The following GABRA4 variants were observed in gnomAD, a reference collection of about 807,000 sequenced individuals.
GABRA4 encodes gamma-aminobutyric acid receptor subunit alpha-4.
Under a neutral mutation model 49.7 loss-of-function variants are expected in GABRA4, and 12 were observed. The ratio of observed to expected loss-of-function variants is 0.24; its 90% CI spans 0.15 to 0.39. GABRA4 has a LOEUF of 0.39. Among genes scored for constraint, GABRA4 ranks in the 10% least tolerant of loss-of-function variants. The probability of loss-of-function intolerance (pLI) is 1.00; values close to 1 mark genes in which losing one functional copy is unlikely to be tolerated. For missense variants in GABRA4, 506 were observed against 686.0 expected (o/e 0.74, Z 2.93); for synonymous variants, 288 against 240.2 (o/e 1.20, Z -1.84).
intron 2 of GABRA4, among the ~76,000 whole-genome samples, chr4:46,988,455 G>C (rs1004121218): frequency 6.6e-6 from 1 of 152,166 alleles, no homozygotes; most frequent in Non-Finnish European, 1.5e-5. Context: ...TTGCTGAGAA[G>C]TGCTCTTTTT....
chr4:46,971,877 C>A (rs1413883257), intron 6 of GABRA4, among the ~76,000 whole-genome samples: 1 of 151,342 alleles, frequency 6.6e-6, no homozygotes, highest in Non-Finnish European at 1.5e-5. Flanking sequence ...CCCCTGAGTT[C>A]AAGCATGTTT....
chr4:46,989,384 A>G (rs892221878), intron 2 of GABRA4, among the ~76,000 whole-genome samples: 1 of 152,236 alleles, frequency 6.6e-6, no homozygotes, highest in Admixed American at 6.5e-5. Flanking sequence ...AAGCTACTTC[A>G]GGATGATAGC....
chr4:46,964,126 G>A (rs370702599), intron 8 of GABRA4, among the ~76,000 whole-genome samples: 1 of 151,888 alleles, frequency 6.6e-6, no homozygotes, highest in African/African-American at 2.4e-5. Context: ...GGATGGAAAT[G>A]GAGATCATCA....
chr4:46,992,549 T>G, intron 2 of GABRA4: 1 of 449,408 alleles, frequency 2.2e-6, no homozygotes, highest in Non-Finnish European at 4.0e-6. Context: ...AGTTCCCATT[T>G]TTGACTCTTC....
intron 5 of GABRA4, among the ~76,000 whole-genome samples, chr4:46,974,841 C>T (rs768421061): frequency 6.6e-6 from 1 of 151,878 alleles, no homozygotes; most frequent in Non-Finnish European, 1.5e-5. Context: ...CAAACAAATC[C>T]TACTGTTAGG....
At chr4:46,959,453 T>C (rs1722485408) in intron 8 of GABRA4, among the ~76,000 whole-genome samples, 1 of 151,994 alleles carries the variant, frequency 6.6e-6, no homozygotes, top group Non-Finnish European at 1.5e-5. Flanking sequence ...TAATCCTATG[T>C]CCTTCACAAC....
intron 2 of GABRA4, among the ~76,000 whole-genome samples, chr4:46,985,369 T>A (rs1723495587): frequency 6.6e-6 from 1 of 151,976 alleles, no homozygotes; most frequent in South Asian, 2.1e-4. Flanking sequence ...CTACACTTTG[T>A]GCTGGTTGGT....
At chr4:46,992,607 T>G (rs1255423854) in intron 2 of GABRA4, 5 of 557,966 alleles carry the variant, frequency 9.0e-6, no homozygotes, top group Non-Finnish European at 1.6e-5. Context: ...AGGTAATTAG[T>G]GTGGGGGAGA....
chr4:46,988,882 G>A (rs1723637480), intron 2 of GABRA4, among the ~76,000 whole-genome samples: 1 of 152,168 alleles, frequency 6.6e-6, no homozygotes, highest in Admixed American at 6.5e-5. Context: ...CTTCACCAAG[G>A]AGTAGCTATA....
chr4:46,993,119 C>T (rs1387723914), intron 1 of GABRA4, among the ~76,000 whole-genome samples, 173 bp from the exon 2 acceptor site: 1 of 152,182 alleles, frequency 6.6e-6, no homozygotes, highest in African/African-American at 2.4e-5. Flanking sequence ...AAGCGCGCCC[C>T]GCCGCAAGAC....
At position 46,919,681 on chromosome 4, in the gene GABRA4, T is replaced by A. The variant is rs975429787; in HGVS notation, c.*8544A>T. On this transcript the variant is annotated 3_prime_UTR_variant, in exon 9 of 9. Coordinates refer to ENST00000264318, the MANE Select transcript of GABRA4 (RefSeq NM_000809.4). ...TTATTCAAGAGAAGAAAGAAGGGAA[T>A]GGACTTCATATTCCTCAGTTTGTAC... The A allele has an allele frequency of 4.0e-5, 6 of 151,644 alleles. No homozygotes were observed. The highest frequency in any genetic ancestry group is 1.3e-4 in the Admixed American group (2 of 15,216). 9.4% of individuals were successfully genotyped at this position (151,644 alleles called of 1,614,324 possible).
intron 2 of GABRA4, among the ~76,000 whole-genome samples, chr4:46,989,507 G>A (rs1015085605): frequency 1.3e-5 from 2 of 152,132 alleles, no homozygotes; most frequent in Non-Finnish European, 2.9e-5. Flanking sequence ...CTTCTCCAAT[G>A]GGAGAATGTA....
At position 46,919,711 on chromosome 4, in the gene GABRA4, C is replaced by G. The variant is rs1304506858; in HGVS notation, c.*8514G>C. ...TTCATATTCCTCAGTTTGTACAACA[C>G]TTCAGCTGAGAAATCAAAGAAAAGC... On this transcript the variant is annotated 3_prime_UTR_variant, in exon 9 of 9. Transcript: ENST00000264318. The G allele has an allele frequency of 6.6e-6, 1 of 151,578 alleles. No homozygotes were observed. The highest frequency in any genetic ancestry group is 1.5e-5 in the Non-Finnish European group (1 of 67,594). The allele number at this position is 151,578 out of a possible 1,614,324, so 9.4% of individuals were successfully genotyped here.
At chr4:46,979,010 T>C (rs753443105) in intron 3 of GABRA4, 21 bp downstream of exon 3, 1 of 1,554,832 alleles carries the variant, frequency 6.4e-7, no homozygotes, top group East Asian at 2.3e-5. Context: ...AAAAGGTACA[T>C]TAAACTTCGA....
chr4:46,933,181 A>G (rs1445823856), intron 8 of GABRA4, among the ~76,000 whole-genome samples: 1 of 152,160 alleles, frequency 6.6e-6, no homozygotes, highest in African/African-American at 2.4e-5. Flanking sequence ...GTAATGAGCT[A>G]GAGTATAAAG....
At chr4:46,974,441 C>T (rs1292782561) in intron 5 of GABRA4, 66 bp from the exon 6 acceptor site, 30 of 1,401,958 alleles carry the variant, frequency 2.1e-5, no homozygotes, top group Non-Finnish European at 2.3e-5. Flanking sequence ...GTGGTCAACA[C>T]TTAAAAACAG....
intron 2 of GABRA4, among the ~76,000 whole-genome samples, chr4:46,990,528 T>G (rs1231447562): frequency 2.0e-5 from 3 of 152,242 alleles, no homozygotes; most frequent in African/African-American, 7.2e-5. Context: ...GTTTCAGTTC[T>G]AACTTTTCAC....
At chr4:46,967,751 T>C (rs1305176193) in intron 7 of GABRA4, among the ~76,000 whole-genome samples, 2 of 151,786 alleles carry the variant, frequency 1.3e-5, no homozygotes, top group East Asian at 3.9e-4. Context: ...CAATTATTGA[T>C]GCCATTCCCT....
chr4:46,923,211 A>G lies in GABRA4; in HGVS notation c.*5014T>C, dbSNP rs966076252. The G allele has an allele frequency of 1.3e-5, 2 of 151,928 alleles. No individual in the cohort carries two copies. Among genetic ancestry groups the G allele is most frequent in the African/African-American group, 4.8e-5 (2 of 41,364 alleles). The allele number at this position is 151,928 out of a possible 1,614,324, so 9.4% of individuals were successfully genotyped here. Reference sequence around the variant, plus strand: ...ATTAACTTAGACAAAATTGCAGAAAATTTTCCTGAAATAAAGATTGAAACC... The same window carrying G: ...ATTAACTTAGACAAAATTGCAGAAAGTTTTCCTGAAATAAAGATTGAAACC... On this transcript the variant is annotated 3_prime_UTR_variant, in exon 9 of 9. Transcript: ENST00000264318.
Sources: allele counts gnomAD v4.1 joint callset (sites outside exome capture counted in the v4.1 genomes callset), GRCh38; gene constraint gnomAD v4.1.1; transcripts MANE v1.5; gene names NCBI Gene and HGNC (gene_info 2026-07-23, HGNC 2026-07-21).